Variants in PLEKHG5 observed in about 807,000 individuals in gnomAD.
PLEKHG5 encodes the protein pleckstrin homology domain-containing family G member 5.
A neutral mutation model predicts 103.8 loss-of-function variants in PLEKHG5; 52 were observed. That is an observed-to-expected ratio of 0.50 (90% CI 0.40 to 0.63). PLEKHG5 has a LOEUF of 0.63. Ranked by LOEUF, PLEKHG5 falls within the 30% of genes least tolerant of loss-of-function variation. The pLI is 0.00. For synonymous variants in PLEKHG5, 592 were observed against 575.5 expected, an observed-to-expected ratio of 1.03 and a Z score of -0.41; for missense variants, 1,205 against 1,347.6, an observed-to-expected ratio of 0.89 and a Z score of 1.66.
chr1:6,467,622 A>C, intron 20 of PLEKHG5, 50 bp from the exon 21 acceptor site: 1 of 1,600,536 alleles, frequency 6.2e-7, no homozygotes, highest in Non-Finnish European at 8.6e-7. Flanking sequence ...CGCCATTCAG[A>C]GTGGCTCTGG....
intron 1 of PLEKHG5, among the ~76,000 whole-genome samples, chr1:6,513,022 G>A (rs923590039): frequency 2.0e-5 from 3 of 152,202 alleles, no homozygotes; most frequent in Admixed American, 1.3e-4. Context: ...GCCTGCCCCC[G>A]GCATGGCCAC....
upstream of PLEKHG5, among the ~76,000 whole-genome samples, chr1:6,495,599 A>C (rs1334299014): frequency 6.6e-6 from 1 of 152,200 alleles, no homozygotes; most frequent in Admixed American, 6.5e-5. Flanking sequence ...TCTGTAAATG[A>C]GAATAAGGAC....
chr1:6,494,152 C>T (rs1268266823), upstream of PLEKHG5, among the ~76,000 whole-genome samples: 8 of 99,332 alleles, frequency 8.1e-5, no homozygotes, highest in Non-Finnish European at 1.5e-4. Flanking sequence ...TTTTTTTAGA[C>T]GGAGTCTTGC....
chr1:6,497,453 A>C, upstream of PLEKHG5: 1 of 328,872 alleles, frequency 3.0e-6, no homozygotes, highest in Non-Finnish European at 4.2e-6. The surrounding 1 kb of genome is among the most constrained non-coding windows in gnomAD (Gnocchi z 6.1). Context: ...GTGGGCGGGG[A>C]GGAGCCGCGG....
chr1:6,478,302 G>T (rs1644816356), intron 1 of PLEKHG5, among the ~76,000 whole-genome samples: 1 of 152,134 alleles, frequency 6.6e-6, no homozygotes, highest in East Asian at 1.9e-4. Context: ...CTCCCGAGTA[G>T]CTTGGACTAG....
rs747578226 is a variant in PLEKHG5, at chr1:6,469,083, G to C, written c.2208C>G (p.Thr736=). ...GGCTGCCGCTGCTTTTCCGCATGAT[G>C]GTAGGGGAGCTGGCAGCTGAAGTGC... The part of the protein sequence containing the change: ...DSGTSAASSP[T]IMRKSSGSPD... The change falls in exon 19 of 21, where the codon ACC becomes ACG. Residue 736 remains threonine (T), a synonymous_variant. Coordinates refer to ENST00000377728, the MANE Select transcript of PLEKHG5 (RefSeq NM_020631.6). 5.6e-6 allele frequency: 9 copies of C among 1,613,668 alleles called. No individual in the cohort carries two copies. The African/African-American group carries it at 1.2e-4, about 22-fold the overall frequency.
chr1:6,516,866 G>GTGTGTGTGTGTATA (rs1288870331), intron 1 of PLEKHG5, among the ~76,000 whole-genome samples: 3 of 25,828 alleles, frequency 1.2e-4, no homozygotes, highest in Admixed American at 8.0e-4. Flanking sequence ...GTATATATGT[G>GTGTGTGTGTGTATA]TATATATATA....
At position 6,469,157 on chromosome 1, in the gene PLEKHG5, CCTG is replaced by C. The variant is rs1195447903; in HGVS notation, c.2131_2133del (p.Gln711del). 1 of 1,612,764 alleles carries C rather than the reference CCTG, an allele frequency of 6.2e-7. No homozygotes were observed. Among genetic ancestry groups the C allele is most frequent in the Non-Finnish European group, 8.5e-7 (1 of 1,179,662 alleles). Reference sequence around the variant, plus strand: ...TCCTCCTCCTCCTCCTCTTCCTCCTCCTGCTCATCCTCCTCCTCTTCCAGGCTC... The same window carrying C: ...TCCTCCTCCTCCTCCTCTTCCTCCTCCTCATCCTCCTCCTCTTCCAGGCTC... On this transcript the variant is annotated inframe_deletion, in exon 19 of 21. Coordinates refer to ENST00000377728, the MANE Select transcript of PLEKHG5 (RefSeq NM_020631.6).
At chr1:6,512,822 T>G (rs1638514069) in intron 1 of PLEKHG5, among the ~76,000 whole-genome samples, 2 of 152,330 alleles carry the variant, frequency 1.3e-5, no homozygotes, top group Admixed American at 6.5e-5. Context: ...CTGCCGGCTG[T>G]GCCATCTCGA....
chr1:6,507,065 A>G (rs1229641366), intron 1 of PLEKHG5, among the ~76,000 whole-genome samples: 1 of 152,224 alleles, frequency 6.6e-6, no homozygotes, highest in Non-Finnish European at 1.5e-5. Context: ...AGGCGGGGAA[A>G]TGAAAAGCCA....
intron 1 of PLEKHG5, among the ~76,000 whole-genome samples, chr1:6,506,458 C>A (rs375792182): frequency 6.6e-6 from 1 of 152,232 alleles, no homozygotes; most frequent in African/African-American, 2.4e-5. Flanking sequence ...ACGGGCTGGC[C>A]GTCTGGGGAC....
chr1:6,497,802 C>G (rs1645250778), upstream of PLEKHG5, among the ~76,000 whole-genome samples: 1 of 152,210 alleles, frequency 6.6e-6, no homozygotes, highest in Non-Finnish European at 1.5e-5. The surrounding 1 kb of genome is among the most constrained non-coding windows in gnomAD (Gnocchi z 6.1). Context: ...GGGAGAGACT[C>G]GCCTGCCACG....
intron 1 of PLEKHG5, among the ~76,000 whole-genome samples, chr1:6,516,351 G>A (rs916971811): frequency 8.5e-5 from 13 of 152,102 alleles, no homozygotes; most frequent in South Asian, 2.1e-4. Context: ...CATGTATATC[G>A]TGAAGCCATT....
intron 11 of PLEKHG5, 26 bp downstream of exon 11, chr1:6,471,729 CCCG>C (rs1484751126): frequency 1.2e-6 from 2 of 1,602,264 alleles, no homozygotes; most frequent in Admixed American, 3.4e-5. Context: ...TGGTACCTCA[CCCG>C]CCGCCGCCCC....
chr1:6,491,995 T>C (rs60455543), upstream of PLEKHG5, among the ~76,000 whole-genome samples: 8,704 of 152,238 alleles, frequency 0.057, 779 homozygotes, highest in African/African-American at 0.19. The surrounding 1 kb of genome is among the most constrained non-coding windows in gnomAD (Gnocchi z 4.1). Context: ...CCTTTCCTCC[T>C]GAGAGTTCTG....
chr1:6,489,784 A>T (rs777400905), intron 1 of PLEKHG5, among the ~76,000 whole-genome samples: 2 of 152,186 alleles, frequency 1.3e-5, no homozygotes, highest in Non-Finnish European at 2.9e-5. Context: ...GAGGGCATAG[A>T]ATTCAGTATC....
At chr1:6,495,425 G>A (rs113480314), upstream of PLEKHG5, among the ~76,000 whole-genome samples, 8 of 152,216 alleles carry the variant, frequency 5.3e-5, no homozygotes, top group African/African-American at 1.2e-4. Flanking sequence ...GGAGGGGAGC[G>A]GGGGGTGGGG....
intron 1 of PLEKHG5, among the ~76,000 whole-genome samples, chr1:6,516,806 A>ATG (rs1478779946): frequency 2.0e-4 from 29 of 145,396 alleles, no homozygotes; most frequent in African/African-American, 5.6e-4. Context: ...GTGTATATAT[A>ATG]TGTGTGTATA....
intron 1 of PLEKHG5, among the ~76,000 whole-genome samples, chr1:6,488,457 G>A (rs1191629850): frequency 2.0e-5 from 3 of 152,212 alleles, no homozygotes; most frequent in African/African-American, 4.8e-5. Context: ...CAGCTTGTGG[G>A]GAGCCCACCG....
Sources: allele counts gnomAD v4.1 joint callset (sites outside exome capture counted in the v4.1 genomes callset), GRCh38; gene constraint gnomAD v4.1.1; non-coding constraint Gnocchi (gnomAD v3.1); transcripts MANE v1.5; gene names NCBI Gene and HGNC (gene_info 2026-07-23, HGNC 2026-07-21).